Variants in FBXO34 observed in about 807,000 individuals in gnomAD.
FBXO34 encodes F-box only protein 34.
Under a neutral mutation model 24.5 loss-of-function variants are expected in FBXO34, and 12 were observed. The observed-to-expected ratio is 0.49, with a 90% CI of 0.31 to 0.79. The LOEUF (loss-of-function observed/expected upper bound fraction) is 0.79, where lower values mean the gene tolerates loss of function less well. Ranked by LOEUF, FBXO34 falls within the 30% of genes least tolerant of loss-of-function variation. The pLI, the probability that FBXO34 is intolerant of heterozygous loss-of-function variation, is 0.04. For missense variants in FBXO34, 823 were observed against 857.7 expected (o/e 0.96, Z 0.51); for synonymous variants, 320 against 311.9 (o/e 1.03, Z -0.27).
intron 1 of FBXO34, among the ~76,000 whole-genome samples, chr14:55,337,594 G>T (rs1201940788): frequency 6.6e-6 from 1 of 152,248 alleles, no homozygotes; most frequent in Admixed American, 6.5e-5. Context: ...ATTTGGAAAT[G>T]AAAAGACTAA....
At chr14:55,438,872 G>A in the FBXO34 span, 1 of 147,124 alleles carries the variant, frequency 6.8e-6, no homozygotes, top group Non-Finnish European at 1.5e-5. Context: ...CTACCTCAGT[G>A]CTGATCATTG....
At chr14:55,362,027 G>A (rs182098444), downstream of FBXO34, 1 of 152,220 alleles carries the variant, frequency 6.6e-6, no homozygotes, top group Non-Finnish European at 1.5e-5. Context: ...TGGCACAAGA[G>A]ATCCAGCTTT....
chr14:55,364,727 C>T (rs996930968), downstream of FBXO34, among the ~76,000 whole-genome samples: 2 of 130,048 alleles, frequency 1.5e-5, no homozygotes. Flanking sequence ...CAGTGCCCAA[C>T]TTTTTTTTTT....
At chr14:55,300,895 C>T (rs1882330085) in intron 1 of FBXO34, among the ~76,000 whole-genome samples, 1 of 152,204 alleles carries the variant, frequency 6.6e-6, no homozygotes, top group African/African-American at 2.4e-5. Flanking sequence ...TCCCAATGAG[C>T]ATACTAAATG....
At chr14:55,397,362 A>G in the FBXO34 span, 2 of 1,611,586 alleles carry the variant, frequency 1.2e-6, no homozygotes, top group Non-Finnish European at 1.7e-6. Context: ...AGACAAAACA[A>G]AACACTCACT....
chr14:55,318,378 AT>A (rs1883008472), intron 1 of FBXO34: 1 of 14,884 alleles, frequency 6.7e-5, no homozygotes, highest in African/African-American at 5.5e-4. Context: ...ATATATATAT[AT>A]ATATATATAT....
At chr14:55,413,930 C>G in the FBXO34 span, 1 of 480,566 alleles carries the variant, frequency 2.1e-6, no homozygotes, top group Admixed American at 2.1e-5. Flanking sequence ...GCAGCCATTC[C>G]CTTGATGTCT....
intron 1 of FBXO34, among the ~76,000 whole-genome samples, chr14:55,311,879 C>G (rs1277065895): frequency 1.3e-5 from 2 of 151,844 alleles, no homozygotes; most frequent in African/African-American, 4.8e-5. Context: ...AGGTGCCCAC[C>G]ACCATGCCCA....
At chr14:55,339,351 G>A (rs1422801210) in intron 1 of FBXO34, 1 of 148,542 alleles carries the variant, frequency 6.7e-6, no homozygotes, top group Middle Eastern at 3.3e-3. Context: ...CCTAGGGTAG[G>A]ACTTGTAACT....
chr14:55,395,089 T>C, the FBXO34 span: 8 of 504,194 alleles, frequency 1.6e-5, no homozygotes, highest in Non-Finnish European at 2.8e-5. Context: ...TTGCACTTTT[T>C]TGTCTGAAGA....
At chr14:55,388,828 T>G in the FBXO34 span, among the ~76,000 whole-genome samples, 2 of 152,106 alleles carry the variant, frequency 1.3e-5, no homozygotes, top group Non-Finnish European at 2.9e-5. Flanking sequence ...CCCTGGCAAG[T>G]CATCAGAACC....
chr14:55,404,602 T>C, the FBXO34 span, among the ~76,000 whole-genome samples: 7 of 152,164 alleles, frequency 4.6e-5, no homozygotes, highest in African/African-American at 1.4e-4. Context: ...CTTGAAAATA[T>C]CTAGAGGGAG....
chr14:55,306,573 C>T (rs1017711823), intron 1 of FBXO34, among the ~76,000 whole-genome samples: 3 of 152,186 alleles, frequency 2.0e-5, no homozygotes, highest in African/African-American at 4.8e-5. Flanking sequence ...GTGGCTCACG[C>T]GTGTAATCCC....
chr14:55,424,246 G>C, the FBXO34 span: 1 of 1,607,584 alleles, frequency 6.2e-7, no homozygotes, highest in South Asian at 1.1e-5. Context: ...AACAGTTCAG[G>C]CTCGTAACTG....
the FBXO34 span, chr14:55,428,756 T>G: frequency 6.4e-7 from 1 of 1,558,692 alleles, no homozygotes; most frequent in South Asian, 1.2e-5. Flanking sequence ...ACCCATAATG[T>G]AACTTAAATA....
the FBXO34 span, chr14:55,411,515 G>T: frequency 7.6e-7 from 1 of 1,320,312 alleles, no homozygotes; most frequent in Non-Finnish European, 1.0e-6. Context: ...CTGGTGCCCG[G>T]ACGGGGAGCC....
At chr14:55,297,691 A>C (rs1024182629) in intron 1 of FBXO34, among the ~76,000 whole-genome samples, 2 of 152,198 alleles carry the variant, frequency 1.3e-5, no homozygotes, top group Non-Finnish European at 2.9e-5. Flanking sequence ...GCTAAAATGT[A>C]TATCTATGTG....
At position 55,296,385 on chromosome 14, in the gene FBXO34, TTTTTTG is replaced by T. The variant is rs1239828478; in HGVS notation, c.-11+24854_-11+24859del. On this transcript the variant is annotated intron_variant, in intron 1 of 1. Coordinates refer to ENST00000313833, the MANE Select transcript of FBXO34 (RefSeq NM_017943.4). ...GGGTAGGTTTTGCTGTTCTTGTGTTTTTTTTGTTTTTTTTTTTTTTTTTTTTTTTTG... is the reference window on the plus strand; with the variant it reads ...GGGTAGGTTTTGCTGTTCTTGTGTTTTTTTTTTTTTTTTTTTTTTTTTTTG... Among the ~76,000 whole-genome samples the T allele has an allele frequency of 3.3e-3, 374 of 112,418 alleles. 8 individuals are homozygous for T. The highest frequency in any genetic ancestry group is 5.4e-3 in the South Asian group (18 of 3,306). 73.8% of individuals were successfully genotyped at this position (112,418 alleles called of 152,430 possible).
At chr14:55,395,852 T>A in the FBXO34 span, 4 of 1,022,524 alleles carry the variant, frequency 3.9e-6, no homozygotes, top group Non-Finnish European at 5.4e-6. Flanking sequence ...ATACGATTTT[T>A]AAAAATTTTA....
Sources: allele counts gnomAD v4.1 joint callset (sites outside exome capture counted in the v4.1 genomes callset), GRCh38; gene constraint gnomAD v4.1.1; transcripts MANE v1.5; gene names NCBI Gene and HGNC (gene_info 2026-07-23, HGNC 2026-07-21).